DTWD2: variants seen among roughly 807,000 people sequenced by gnomAD.
DTWD2 encodes tRNA-uridine aminocarboxypropyltransferase 2.
In DTWD2, 39 loss-of-function variants were observed where a neutral mutation model predicts 31.8. The observed-to-expected ratio is 1.22, with a 90% CI of 0.95 to 1.60. The LOEUF is 1.60. DTWD2 is among the 40% of genes most tolerant of loss of function. The pLI, the probability that DTWD2 is intolerant of heterozygous loss-of-function variation, is 0.00. For missense variants in DTWD2, 515 were observed against 381.5 expected (o/e 1.35, Z -2.92); for synonymous variants, 180 against 142.8 (o/e 1.26, Z -1.86).
At chr5:118,871,503 T>C (rs1381187754) in intron 4 of DTWD2, among the ~76,000 whole-genome samples, 2 of 152,244 alleles carry the variant, frequency 1.3e-5, no homozygotes, top group Admixed American at 6.5e-5. Flanking sequence ...TACTCCTTGA[T>C]CCACGGCTGC....
At chr5:118,983,319 G>C (rs1376152206) in intron 1 of DTWD2, among the ~76,000 whole-genome samples, 2 of 152,194 alleles carry the variant, frequency 1.3e-5, no homozygotes, top group East Asian at 1.9e-4. Context: ...GAAGCTGTCA[G>C]ATCTTCCCAC....
chr5:118,885,115 C>T (rs1450895219), intron 4 of DTWD2, among the ~76,000 whole-genome samples: 1 of 150,680 alleles, frequency 6.6e-6, no homozygotes, highest in Non-Finnish European at 1.5e-5. Context: ...TCAAGACCAG[C>T]CTCGGCAACA....
At chr5:118,928,845 ATATAAG>A (rs1330628637) in intron 3 of DTWD2, 116 bp from the exon 4 acceptor site, 2 of 824,636 alleles carry the variant, frequency 2.4e-6, no homozygotes, top group East Asian at 2.8e-5. Flanking sequence ...GTCTAATCAA[ATATAAG>A]TATTAGTTTA....
chr5:118,905,435 A>G (rs1295617951), intron 4 of DTWD2, among the ~76,000 whole-genome samples: 1 of 152,198 alleles, frequency 6.6e-6, no homozygotes, highest in Non-Finnish European at 1.5e-5. Context: ...GATAAGATAT[A>G]GAACTGAAAG....
chr5:118,895,290 T>C lies in DTWD2; in HGVS notation c.597+33247A>G, dbSNP rs74766259. 6.2e-3 allele frequency among the ~76,000 whole-genome samples: 950 copies of C among 152,162 alleles called. 2 individuals are homozygous for C. The highest frequency in any genetic ancestry group is 0.01 in the Non-Finnish European group (707 of 67,968). ...CTACAAAGAAAAAAACACCGATGAA[T>C]ACATTTCATCAAGGATGTTACAGAT... On this transcript the variant is annotated intron_variant, in intron 4 of 5. Coordinates refer to ENST00000510708, the MANE Select transcript of DTWD2 (RefSeq NM_173666.4).
chr5:118,845,686 C>G (rs1213644337), intron 5 of DTWD2, among the ~76,000 whole-genome samples: 1 of 152,148 alleles, frequency 6.6e-6, no homozygotes, highest in Non-Finnish European at 1.5e-5. Flanking sequence ...CTCACTATTA[C>G]TTTGGGACTT....
intron 4 of DTWD2, among the ~76,000 whole-genome samples, chr5:118,901,704 C>T (rs1397329381): frequency 6.6e-6 from 1 of 151,942 alleles, no homozygotes; most frequent in African/African-American, 2.4e-5. Context: ...TTAAATGTGT[C>T]CTAACTATCC....
At chr5:118,974,663 G>T (rs1167925466) in intron 1 of DTWD2, 1 of 505,246 alleles carries the variant, frequency 2.0e-6, no homozygotes, top group Admixed American at 2.4e-5. Context: ...GTATGAGATG[G>T]TTAAAAAGGC....
At chr5:118,945,764 C>CA (rs748130109) in intron 1 of DTWD2, among the ~76,000 whole-genome samples, 22 of 57,714 alleles carry the variant, frequency 3.8e-4, no homozygotes, top group Middle Eastern at 8.8e-3. Context: ...GACTCCAACT[C>CA]AAAAAAAAAA....
At chr5:118,906,619 TATAAAATTCC>T (rs1385744664) in intron 4 of DTWD2, among the ~76,000 whole-genome samples, 1 of 152,206 alleles carries the variant, frequency 6.6e-6, no homozygotes, top group Non-Finnish European at 1.5e-5. Context: ...ATTATATTTA[TATAAAATTCC>T]ATAAAATTCA....
intron 4 of DTWD2, among the ~76,000 whole-genome samples, chr5:118,898,484 C>T (rs977018153): frequency 1.3e-5 from 2 of 151,212 alleles, no homozygotes; most frequent in African/African-American, 4.9e-5. Context: ...ATGGTGAAAC[C>T]CCGTCGCTAC....
At chr5:118,885,892 C>T (rs552757653) in intron 4 of DTWD2, among the ~76,000 whole-genome samples, 2 of 152,074 alleles carry the variant, frequency 1.3e-5, no homozygotes, top group East Asian at 3.8e-4. Flanking sequence ...TTTTACCTGG[C>T]AGGTTGAGGC....
At chr5:118,867,922 C>CATATGTA (rs1430588240) in intron 4 of DTWD2, among the ~76,000 whole-genome samples, 2 of 152,054 alleles carry the variant, frequency 1.3e-5, no homozygotes, top group African/African-American at 4.8e-5. Context: ...CAAAACAAAA[C>CATATGTA]AACCCTAAAA....
At chr5:118,845,810 A>G (rs1751838932) in intron 5 of DTWD2, among the ~76,000 whole-genome samples, 1 of 152,158 alleles carries the variant, frequency 6.6e-6, no homozygotes, top group Non-Finnish European at 1.5e-5. Context: ...CTCAGAATGT[A>G]TTTTGCAAGT....
At chr5:118,866,128 G>C (rs994881703) in intron 4 of DTWD2, among the ~76,000 whole-genome samples, 1 of 152,018 alleles carries the variant, frequency 6.6e-6, no homozygotes, top group Non-Finnish European at 1.5e-5. Flanking sequence ...TGAAAGTTAT[G>C]AATCTAAAAA....
At chr5:118,982,996 G>C (rs1028992183) in intron 1 of DTWD2, among the ~76,000 whole-genome samples, 1 of 152,016 alleles carries the variant, frequency 6.6e-6, no homozygotes, top group African/African-American at 2.4e-5. Flanking sequence ...GCCCAAAATA[G>C]TTTATTTTCT....
At chr5:118,875,563 G>GAAAA (rs34990814) in intron 4 of DTWD2, among the ~76,000 whole-genome samples, 2 of 44,550 alleles carry the variant, frequency 4.5e-5, no homozygotes, top group Non-Finnish European at 9.2e-5. Context: ...CCTAGTTTCT[G>GAAAA]AAAAAAAAAA....
chr5:118,933,664 G>C (rs1753974018), intron 3 of DTWD2, among the ~76,000 whole-genome samples: 1 of 152,046 alleles, frequency 6.6e-6, no homozygotes, highest in East Asian at 1.9e-4. Context: ...GTTTAGTAAA[G>C]AACATTTCCA....
At chr5:118,900,378 A>G (rs76699468) in intron 4 of DTWD2, among the ~76,000 whole-genome samples, 4,208 of 152,346 alleles carry the variant, frequency 0.028, 190 homozygotes, top group African/African-American at 0.095. Context: ...TCATATAAAC[A>G]TCTCTAAATC....
Sources: allele counts gnomAD v4.1 joint callset (sites outside exome capture counted in the v4.1 genomes callset), GRCh38; gene constraint gnomAD v4.1.1; transcripts MANE v1.5; gene names NCBI Gene and HGNC (gene_info 2026-07-23, HGNC 2026-07-21).